Variants in WWOX observed in about 807,000 individuals in gnomAD.
The protein encoded by WWOX is WW domain-containing oxidoreductase.
In WWOX, 69 loss-of-function variants were observed where a neutral mutation model predicts 46.2. The observed-to-expected ratio is 1.49, with a 90% CI of 1.23 to 1.82. WWOX has a LOEUF of 1.82. WWOX is among the 40% of genes most tolerant of loss of function. The pLI is 0.00. For synonymous variants in WWOX, 359 were observed against 202.6 expected (o/e 1.77, Z -6.56); for missense variants, 919 against 542.6 (o/e 1.69, Z -6.89).
intron 6 of WWOX, among the ~76,000 whole-genome samples, chr16:78,393,965 A>G (rs553130423): frequency 1.7e-4 from 26 of 152,318 alleles, no homozygotes; most frequent in African/African-American, 6.3e-4. Flanking sequence ...AATTACTTTC[A>G]GAACTTGAAT....
chr16:78,243,325 A>C (rs534208672), intron 5 of WWOX, among the ~76,000 whole-genome samples: 105 of 152,358 alleles, frequency 6.9e-4, no homozygotes, highest in African/African-American at 2.4e-3. Context: ...TGTGATATGC[A>C]AACATCTGTG....
At chr16:78,175,945 G>A (rs555977896) in intron 5 of WWOX, among the ~76,000 whole-genome samples, 8 of 152,012 alleles carry the variant, frequency 5.3e-5, no homozygotes, top group Non-Finnish European at 1.0e-4. Context: ...CTAAGTTCCC[G>A]GGGTTGCATC....
intron 1 of WWOX, among the ~76,000 whole-genome samples, chr16:78,107,138 A>G (rs1706393527): frequency 6.6e-6 from 1 of 152,210 alleles, no homozygotes; most frequent in Non-Finnish European, 1.5e-5. Flanking sequence ...GATGTTGCTG[A>G]TTAAATAATA....
At chr16:78,617,753 G>T (rs1211190001) in intron 8 of WWOX, among the ~76,000 whole-genome samples, 1 of 152,076 alleles carries the variant, frequency 6.6e-6, no homozygotes, top group Non-Finnish European at 1.5e-5. Context: ...TGCCATCTTG[G>T]GCATCTCACG....
At chr16:78,415,183 C>G (rs1240279730) in intron 6 of WWOX, among the ~76,000 whole-genome samples, 1 of 151,206 alleles carries the variant, frequency 6.6e-6, no homozygotes, top group Non-Finnish European at 1.5e-5. Flanking sequence ...GTAGGCAGTT[C>G]CCGGAAGTGA....
intron 8 of WWOX, among the ~76,000 whole-genome samples, chr16:79,036,874 G>A (rs1297665328): frequency 1.3e-5 from 2 of 152,224 alleles, no homozygotes; most frequent in African/African-American, 4.8e-5. Flanking sequence ...ATCAGATTCA[G>A]TGGAAGTGCC....
chr16:78,314,696 T>TTG (rs1555517844), intron 5 of WWOX, among the ~76,000 whole-genome samples: 31 of 67,076 alleles, frequency 4.6e-4, no homozygotes, highest in African/African-American at 3.7e-3. Flanking sequence ...GGGTTTTTTT[T>TTG]TTTTGTTTTT....
intron 4 of WWOX, among the ~76,000 whole-genome samples, chr16:78,150,254 A>G (rs2034353770): frequency 6.6e-6 from 1 of 152,236 alleles, no homozygotes; most frequent in African/African-American, 2.4e-5. Context: ...ATGAAGCGGT[A>G]CATAGGGCCA....
At chr16:79,018,574 A>G (rs1296597710) in intron 8 of WWOX, among the ~76,000 whole-genome samples, 1 of 152,136 alleles carries the variant, frequency 6.6e-6, no homozygotes, top group Non-Finnish European at 1.5e-5. Flanking sequence ...TATTGATCCA[A>G]TTAAATAGAT....
At position 78,607,603 on chromosome 16, in the gene WWOX, A is replaced by G. The variant is rs114024394; in HGVS notation, c.1056+174851A>G. On this transcript the variant is annotated intron_variant, in intron 8 of 8. Coordinates refer to ENST00000566780, the MANE Select transcript of WWOX (RefSeq NM_016373.4). ...GAAGTCTCCAAAGAATGACCATCCGAGGCATTCAGCTGGCGTAAGAGGAGT... is the reference window on the plus strand; with the variant it reads ...GAAGTCTCCAAAGAATGACCATCCGGGGCATTCAGCTGGCGTAAGAGGAGT... Among the ~76,000 whole-genome samples the G allele has an allele frequency of 1.8e-3, 274 of 151,128 alleles. 1 individual carries two copies. The highest frequency in any genetic ancestry group is 6.4e-3 in the African/African-American group (266 of 41,244).
At chr16:78,966,367 A>G (rs963729219) in intron 8 of WWOX, among the ~76,000 whole-genome samples, 1 of 152,216 alleles carries the variant, frequency 6.6e-6, no homozygotes, top group African/African-American at 2.4e-5. Flanking sequence ...CCTGGCATCT[A>G]AACATATTTG....
chr16:79,007,697 C>G (rs993656762), intron 8 of WWOX, among the ~76,000 whole-genome samples: 2 of 152,226 alleles, frequency 1.3e-5, no homozygotes, highest in Non-Finnish European at 2.9e-5. Context: ...TAGATTTCAT[C>G]AAGTGACTCA....
chr16:78,550,358 T>A (rs1434509549), intron 8 of WWOX, among the ~76,000 whole-genome samples: 7 of 152,218 alleles, frequency 4.6e-5, no homozygotes, highest in Admixed American at 4.6e-4. Context: ...ACTACTAAGC[T>A]ATCATGCATT....
At chr16:78,457,260 A>G (rs1306149669) in intron 8 of WWOX, among the ~76,000 whole-genome samples, 2 of 152,172 alleles carry the variant, frequency 1.3e-5, no homozygotes, top group Non-Finnish European at 2.9e-5. Flanking sequence ...AGGTAGCAAA[A>G]GCTCTCCTGC....
intron 4 of WWOX, among the ~76,000 whole-genome samples, chr16:78,149,028 A>T (rs569523875): frequency 1.2e-3 from 177 of 151,558 alleles, no homozygotes; most frequent in African/African-American, 4.2e-3. Context: ...AATCTGCTCC[A>T]TCACTCAGGC....
intron 8 of WWOX, among the ~76,000 whole-genome samples, chr16:78,720,812 A>G (rs567372410): frequency 1.3e-5 from 2 of 152,234 alleles, no homozygotes; most frequent in East Asian, 3.9e-4. Context: ...TTCCTCCAAA[A>G]GTACATTAGA....
At chr16:78,669,389 A>C (rs2047408160) in intron 8 of WWOX, among the ~76,000 whole-genome samples, 1 of 152,250 alleles carries the variant, frequency 6.6e-6, no homozygotes, top group Admixed American at 6.5e-5. Context: ...ATCCAGGGGC[A>C]GCATTGCTCC....
At chr16:79,171,525 T>C (rs1435437727) in intron 8 of WWOX, among the ~76,000 whole-genome samples, 1 of 152,188 alleles carries the variant, frequency 6.6e-6, no homozygotes, top group East Asian at 1.9e-4. Flanking sequence ...TGCTGCTGTT[T>C]TAATTTGAAA....
intron 8 of WWOX, among the ~76,000 whole-genome samples, chr16:79,086,268 C>T (rs2048852409): frequency 6.6e-6 from 1 of 152,136 alleles, no homozygotes; most frequent in African/African-American, 2.4e-5. Context: ...AACTTTTCAT[C>T]CTTCCAATTG....
Sources: gnomAD v4.1 joint callset for allele counts (sites outside exome capture counted in the v4.1 genomes callset) on GRCh38, gnomAD v4.1.1 for gene constraint, MANE v1.5 for transcripts, NCBI Gene and HGNC (gene_info 2026-07-23, HGNC 2026-07-21) for gene names.